TRMT11: variants seen among roughly 807,000 people sequenced by gnomAD.
The protein encoded by TRMT11 is tRNA (guanine(10)-N(2))-methyltransferase TRMT11.
TRMT11 carries 53 observed loss-of-function variants against 62.8 expected under a neutral mutation model. The ratio of observed to expected loss-of-function variants is 0.84; its 90% confidence interval spans 0.68 to 1.06. TRMT11 has a LOEUF of 1.06. TRMT11 is among the 50% of genes least tolerant of loss of function. TRMT11 has a pLI of 0.00. For missense variants in TRMT11, 556 were observed against 553.4 expected (o/e 1.00, Z -0.05); for synonymous variants, 188 against 190.3 (o/e 0.99, Z 0.10).
chr6:126,101,989 C>G (rs1777407214), intron 17 of TRMT11, among the ~76,000 whole-genome samples: 1 of 152,212 alleles, frequency 6.6e-6, no homozygotes, highest in South Asian at 2.1e-4. Context: ...CATCAGCTAA[C>G]CAGAAGACTC....
intron 17 of TRMT11, among the ~76,000 whole-genome samples, chr6:126,083,155 A>T (rs778987819): frequency 6.6e-6 from 1 of 152,166 alleles, no homozygotes; most frequent in Non-Finnish European, 1.5e-5. Context: ...GCTTCAGCTT[A>T]TTTGGAGAGT....
chr6:125,988,535 A>G lies in TRMT11; in HGVS notation c.72+1913A>G, dbSNP rs1444686917. Reference sequence around the variant, plus strand: ...GAGGGGAGATTGGACAAGGAAAGTTAGGGTGGGTGTGGAGTAGTTGCCTGA... The same window carrying G: ...GAGGGGAGATTGGACAAGGAAAGTTGGGGTGGGTGTGGAGTAGTTGCCTGA... On this transcript the variant is annotated intron_variant, in intron 1 of 12. Coordinates refer to ENST00000334379, the MANE Select transcript of TRMT11 (RefSeq NM_001031712.3). Among the ~76,000 whole-genome samples, 3 of 152,246 alleles carry G rather than the reference A, an allele frequency of 2.0e-5. No individual in the cohort carries two copies. The East Asian group carries it at 5.8e-4, about 29-fold the overall frequency.
intron 1 of TRMT11, among the ~76,000 whole-genome samples, chr6:126,184,827 G>A (rs2128242797): frequency 6.6e-6 from 1 of 152,242 alleles, no homozygotes; most frequent in South Asian, 2.1e-4. Context: ...TAAGATGAGA[G>A]GCTGCATAGT....
intron 1 of TRMT11, among the ~76,000 whole-genome samples, chr6:126,184,701 G>A (rs1195956597): frequency 1.3e-5 from 2 of 152,142 alleles, no homozygotes; most frequent in African/African-American, 4.8e-5. Flanking sequence ...AAGGAAAGTA[G>A]CTGAGAAAGA....
chr6:126,238,031 T>C, the TRMT11 span, among the ~76,000 whole-genome samples: 1 of 152,220 alleles, frequency 6.6e-6, no homozygotes, highest in Non-Finnish European at 1.5e-5. Flanking sequence ...GATGGTAGTT[T>C]GTATTTCTGT....
chr6:125,998,517 A>G (rs1791970486), intron 5 of TRMT11, 33 bp from the exon 6 acceptor site: 2 of 1,594,384 alleles, frequency 1.3e-6, no homozygotes, highest in South Asian at 1.1e-5. Flanking sequence ...GTAAATTATT[A>G]TAAGACATCA....
At chr6:126,005,091 A>T (rs1221868761) in intron 7 of TRMT11, among the ~76,000 whole-genome samples, 1 of 152,076 alleles carries the variant, frequency 6.6e-6, no homozygotes, top group Non-Finnish European at 1.5e-5. Flanking sequence ...GTTTGGCTAA[A>T]GGAATGATCA....
At chr6:126,096,036 A>G (rs1412305302) in intron 17 of TRMT11, among the ~76,000 whole-genome samples, 4 of 152,174 alleles carry the variant, frequency 2.6e-5, no homozygotes, top group African/African-American at 9.7e-5. Context: ...TGCCAGGCCA[A>G]GGTTTTTGGG....
intron 21 of TRMT11, among the ~76,000 whole-genome samples, chr6:126,143,200 G>T (rs1056613071): frequency 6.6e-6 from 1 of 152,008 alleles, no homozygotes; most frequent in Admixed American, 6.6e-5. Flanking sequence ...ATTTTTTTCT[G>T]AGTATTAACA....
At chr6:126,248,463 A>T in the TRMT11 span, among the ~76,000 whole-genome samples, 3 of 152,114 alleles carry the variant, frequency 2.0e-5, no homozygotes, top group Non-Finnish European at 4.4e-5. Flanking sequence ...AAGATAATTT[A>T]AAAAATAAAA....
chr6:126,158,846 A>G (rs1247219358), intron 21 of TRMT11, among the ~76,000 whole-genome samples: 1 of 152,048 alleles, frequency 6.6e-6, no homozygotes, highest in Non-Finnish European at 1.5e-5. Context: ...GAAGTTCTAG[A>G]TGGTGTCTTT....
the TRMT11 span, among the ~76,000 whole-genome samples, chr6:126,260,137 C>T: frequency 1.3e-5 from 2 of 152,138 alleles, no homozygotes; most frequent in African/African-American, 4.8e-5. Context: ...AGATTCTTTA[C>T]TCCCACTTTT....
chr6:126,135,455 A>C (rs1248043169), intron 21 of TRMT11, among the ~76,000 whole-genome samples: 2 of 151,790 alleles, frequency 1.3e-5, no homozygotes, highest in Non-Finnish European at 3.0e-5. Context: ...AGAAAACCTA[A>C]ACAAACCAAT....
chr6:126,151,806 T>TTTCTTTCTTTC (rs1778045092), intron 21 of TRMT11, among the ~76,000 whole-genome samples: 4 of 86,880 alleles, frequency 4.6e-5, no homozygotes, highest in Admixed American at 4.0e-4. Flanking sequence ...CCTCTCTGTC[T>TTTCTTTCTTTC]TTTCTTTCTT....
In TRMT11 at chr6:126,135,769, G is replaced by A. The variant is rs76974537; in HGVS notation, c.*1823+19914G>A. On this transcript the variant is annotated intron_variant and NMD_transcript_variant, in intron 21 of 22. Coordinates refer to the TRMT11 transcript ENST00000648977. ...ACTAGCAAACAGAATTCAACAACCCGTTAAAAAAATCATTCTCAATGATCA... is the reference window on the plus strand; with the variant it reads ...ACTAGCAAACAGAATTCAACAACCCATTAAAAAAATCATTCTCAATGATCA... Among the ~76,000 whole-genome samples, 419 of 151,452 alleles carry A rather than the reference G, an allele frequency of 2.8e-3. 4 individuals carry two copies. The highest frequency in any genetic ancestry group is 9.3e-3 in the African/African-American group (385 of 41,406).
At chr6:126,126,761 G>C (rs1777723431) in intron 21 of TRMT11, among the ~76,000 whole-genome samples, 1 of 152,056 alleles carries the variant, frequency 6.6e-6, no homozygotes, top group African/African-American at 2.4e-5. Flanking sequence ...GTCCAGCCTT[G>C]CTTAAACCAC....
chr6:126,126,467 G>A (rs1326456690), intron 21 of TRMT11, among the ~76,000 whole-genome samples: 2 of 152,056 alleles, frequency 1.3e-5, no homozygotes, highest in African/African-American at 4.8e-5. Context: ...CTGGCCCTTT[G>A]TGTTAACTCA....
At chr6:125,989,181 T>C (rs1374111100) in intron 1 of TRMT11, among the ~76,000 whole-genome samples, 2 of 142,336 alleles carry the variant, frequency 1.4e-5, no homozygotes, top group Admixed American at 7.8e-5. Flanking sequence ...CAGGCTGGAG[T>C]GCAGTGGCGC....
At chr6:126,222,838 A>T in the TRMT11 span, among the ~76,000 whole-genome samples, 1 of 151,590 alleles carries the variant, frequency 6.6e-6, no homozygotes, top group South Asian at 2.1e-4. Flanking sequence ...GGTTAATAGT[A>T]ATATGTGTGG....
Sources: gnomAD v4.1 joint callset for allele counts (sites outside exome capture counted in the v4.1 genomes callset) on GRCh38, gnomAD v4.1.1 for gene constraint, MANE v1.5 for transcripts, NCBI Gene and HGNC (gene_info 2026-07-23, HGNC 2026-07-21) for gene names.